SAP130: variants seen among roughly 807,000 people sequenced by gnomAD.
SAP130 encodes the protein histone deacetylase complex subunit SAP130.
Under a neutral mutation model 103.2 loss-of-function variants are expected in SAP130, and 16 were observed. That is an observed-to-expected ratio of 0.16 (90% CI 0.10 to 0.24). The LOEUF (loss-of-function observed/expected upper bound fraction) is 0.24. SAP130 is among the 10% of genes least tolerant of loss of function. The probability of loss-of-function intolerance (pLI) is 1.00; values close to 1 mark genes in which losing one functional copy is unlikely to be tolerated. For synonymous variants in SAP130, 477 were observed against 497.0 expected, an observed-to-expected ratio of 0.96 and a Z score of 0.53; for missense variants, 990 against 1,359.7, an observed-to-expected ratio of 0.73 and a Z score of 4.28.
At position 127,989,937 on chromosome 2, in the gene SAP130, C is replaced by A; in HGVS notation, c.1478-71G>T. On this transcript the variant is annotated intron_variant, in intron 12 of 20. Transcript: ENST00000643581. This position sits in a 1 kb window ranked among gnomAD's most constrained non-coding sequence, Gnocchi z 4.6. Reference sequence around the variant, plus strand: ...CACACAGTCCACATAAAGAGAGAAACACTAAAAACGGATTTCCTCCACTGT... The same window carrying A: ...CACACAGTCCACATAAAGAGAGAAAAACTAAAAACGGATTTCCTCCACTGT... 2 of 1,404,220 alleles carry A rather than the reference C, an allele frequency of 1.4e-6. No individual in the cohort carries two copies. The highest frequency in any genetic ancestry group is 9.7e-7 in the Non-Finnish European group (1 of 1,031,382). The allele number at this position is 1,404,220 out of a possible 1,614,324, so 87.0% of individuals were successfully genotyped here. A position where few individuals can be genotyped will look rare whatever the true frequency, so the allele number is the denominator to read the frequency against.
chr2:128,013,634 C>G (rs934712897), intron 5 of SAP130, among the ~76,000 whole-genome samples: 13 of 152,194 alleles, frequency 8.5e-5, no homozygotes, highest in African/African-American at 3.1e-4. Flanking sequence ...ATGCTATAAC[C>G]AAGCAAACCT....
At chr2:128,022,201 A>G (rs772468781) in intron 2 of SAP130, among the ~76,000 whole-genome samples, 1 of 152,166 alleles carries the variant, frequency 6.6e-6, no homozygotes. Flanking sequence ...TAACACAATC[A>G]TACCATCTGT....
chr2:128,018,037 T>C, intron 2 of SAP130, 122 bp from the exon 3 acceptor site: 3 of 759,734 alleles, frequency 3.9e-6, no homozygotes, highest in Non-Finnish European at 6.3e-6. Flanking sequence ...TTCCTTGTGA[T>C]GTTTTCTTAA....
intron 12 of SAP130, among the ~76,000 whole-genome samples, chr2:127,991,956 C>T (rs369377277): frequency 1.3e-5 from 2 of 152,160 alleles, no homozygotes; most frequent in East Asian, 1.9e-4. Flanking sequence ...ATCCAGGCAG[C>T]AATAACACTT....
In SAP130 at chr2:127,942,269, A is replaced by G. The variant is rs1426212687; in HGVS notation, c.3016-105T>C. ...GAGGCCATGTTGAGGCTTCCACAAC[A>G]GAGAAAATGTCTTTTTGTTTCTCAG... On this transcript the variant is annotated intron_variant, in intron 20 of 20. Coordinates refer to ENST00000643581, the MANE Select transcript of SAP130 (RefSeq NM_001330301.2). The surrounding 1 kb of genome is among the most constrained non-coding windows in gnomAD (Gnocchi z 4.8). The G allele has an allele frequency of 9.2e-6, 11 of 1,195,356 alleles. No individual in the cohort carries two copies. The highest frequency in any genetic ancestry group is 1.3e-5 in the Non-Finnish European group (11 of 837,326). 74.0% of individuals were successfully genotyped at this position (1,195,356 alleles called of 1,614,324 possible). A position where few individuals can be genotyped will look rare whatever the true frequency, so the allele number is the denominator to read the frequency against.
chr2:127,946,969 C>T (rs576898397), intron 18 of SAP130, among the ~76,000 whole-genome samples: 131 of 144,406 alleles, frequency 9.1e-4, no homozygotes, highest in Non-Finnish European at 1.4e-3. Flanking sequence ...GGTGTCCATA[C>T]AAGGAGGGAG....
Position 127,941,745 on chromosome 2 carries a change from G to T in SAP130, c.*261C>A. 6.6e-6 allele frequency: 3 copies of T among 454,954 alleles called. No individual in the cohort carries two copies. Among genetic ancestry groups the T allele is most frequent in the Non-Finnish European group, 1.2e-5 (3 of 259,804 alleles). 28.2% of individuals were successfully genotyped at this position (454,954 alleles called of 1,614,324 possible). On this transcript the variant is annotated 3_prime_UTR_variant, in exon 21 of 21. Coordinates refer to ENST00000643581, the MANE Select transcript of SAP130 (RefSeq NM_001330301.2). ...TCCTTGTCATTGCTTCCAACTGGTG[G>T]ACACTGATGCATCCGGAGTCACTTA...
chr2:127,963,847 G>A (rs1257928799), intron 15 of SAP130, among the ~76,000 whole-genome samples: 1 of 152,156 alleles, frequency 6.6e-6, no homozygotes, highest in African/African-American at 2.4e-5. Flanking sequence ...CCATGAATGT[G>A]GGGCCTCCCC....
chr2:127,945,346 G>GT (rs1038027306), intron 19 of SAP130, 110 bp downstream of exon 19: 2 of 669,464 alleles, frequency 3.0e-6, no homozygotes, highest in African/African-American at 3.6e-5. Flanking sequence ...CATAACCCAT[G>GT]TTAGCTGGGA....
chr2:127,952,570 C>T (rs1223187942), intron 16 of SAP130, among the ~76,000 whole-genome samples: 1 of 151,872 alleles, frequency 6.6e-6, no homozygotes, highest in Non-Finnish European at 1.5e-5. Flanking sequence ...TCTCTCCTGG[C>T]TTTCTCCTGA....
At position 127,941,941 on chromosome 2, in the gene SAP130, ACCCTCCC is replaced by A; in HGVS notation, c.*58_*64del. 1 of 276,732 alleles carries A rather than the reference ACCCTCCC, an allele frequency of 3.6e-6. No homozygotes were observed. The highest frequency in any genetic ancestry group is 6.9e-6 in the Non-Finnish European group (1 of 145,392). The allele number at this position is 276,732 out of a possible 1,614,324, so 17.1% of individuals were successfully genotyped here. A position where few individuals can be genotyped will look rare whatever the true frequency, so the allele number is the denominator to read the frequency against. ...ATGTTCCACTTTGGAAAAAACCAAAACCCTCCCCCCACCCCCACCATCATTCTTCATA... is the reference window on the plus strand; with the variant it reads ...ATGTTCCACTTTGGAAAAAACCAAAACCCACCCCCACCATCATTCTTCATA... On this transcript the variant is annotated 3_prime_UTR_variant, in exon 21 of 21. Transcript: ENST00000643581.
intron 15 of SAP130, among the ~76,000 whole-genome samples, chr2:127,962,207 C>T (rs1305458119): frequency 6.6e-6 from 1 of 152,156 alleles, no homozygotes; most frequent in Non-Finnish European, 1.5e-5. Flanking sequence ...GGGATTTTGC[C>T]AGTATGAAAG....
rs1381639252 is a variant in SAP130, at chr2:128,000,046, G to C, written c.1108+10C>G. 1.2e-6 allele frequency: 2 copies of C among 1,612,794 alleles called. No individual in the cohort carries two copies. The highest frequency in any genetic ancestry group is 2.2e-5 in the South Asian group (2 of 91,054). On this transcript the variant is annotated intron_variant, in intron 9 of 20. Coordinates refer to ENST00000643581, the MANE Select transcript of SAP130 (RefSeq NM_001330301.2). Reference sequence around the variant, plus strand: ...CCCCAGTAGAAGGAAGAGGAGGGTCGTGGACTTACCAGCTGTGGTCGCTGA... The same window carrying C: ...CCCCAGTAGAAGGAAGAGGAGGGTCCTGGACTTACCAGCTGTGGTCGCTGA...
chr2:128,007,941 C>G (rs1294392539), intron 7 of SAP130, among the ~76,000 whole-genome samples: 3 of 152,144 alleles, frequency 2.0e-5, no homozygotes, highest in Non-Finnish European at 4.4e-5. Context: ...ACTCAGTATC[C>G]CAAAGCTCAA....
chr2:128,027,055 G>A (rs1462790212), intron 1 of SAP130: 7 of 1,396,802 alleles, frequency 5.0e-6, no homozygotes. Flanking sequence ...GGGCGATCTG[G>A]GGACCCGACC....
chr2:127,956,620 T>C (rs1207088378), intron 15 of SAP130, among the ~76,000 whole-genome samples: 1 of 144,508 alleles, frequency 6.9e-6, no homozygotes, highest in Non-Finnish European at 1.5e-5. Flanking sequence ...AGTTAATGGG[T>C]GCAGCACACC....
chr2:127,984,015 G>A (rs995394534), intron 14 of SAP130, among the ~76,000 whole-genome samples: 3 of 151,480 alleles, frequency 2.0e-5, no homozygotes, highest in Non-Finnish European at 2.9e-5. Context: ...GATCTCTCTT[G>A]TTGAAACCCA....
At chr2:127,984,465 G>C (rs958649824) in intron 14 of SAP130, among the ~76,000 whole-genome samples, 2 of 152,206 alleles carry the variant, frequency 1.3e-5, no homozygotes, top group African/African-American at 4.8e-5. Flanking sequence ...GAGTCGGGGA[G>C]AGGGACTGAA....
intron 14 of SAP130, among the ~76,000 whole-genome samples, chr2:127,984,818 G>A (rs542757010): frequency 6.6e-6 from 1 of 152,298 alleles, no homozygotes; most frequent in South Asian, 2.1e-4. Context: ...TGAACTTTCA[G>A]GCTCCTGCTA....
Sources: allele counts gnomAD v4.1 joint callset (sites outside exome capture counted in the v4.1 genomes callset), GRCh38; gene constraint gnomAD v4.1.1; non-coding constraint Gnocchi (gnomAD v3.1); transcripts MANE v1.5; gene names NCBI Gene and HGNC (gene_info 2026-07-23, HGNC 2026-07-21).